The following DMD variants were observed in gnomAD, a reference collection of about 807,000 sequenced individuals.
DMD encodes dystrophin.
DMD carries 63 observed loss-of-function variants against 330.1 expected under a neutral mutation model. The ratio of observed to expected loss-of-function variants is 0.19; its 90% CI spans 0.16 to 0.24. The LOEUF (loss-of-function observed/expected upper bound fraction) is 0.24. Among genes scored for constraint, DMD ranks in the 10% least tolerant of loss-of-function variants. The pLI is 1.00. For synonymous variants in DMD, 1,223 were observed against 959.8 expected (o/e 1.27, Z -5.07); for missense variants, 3,344 against 2,684.1 (o/e 1.25, Z -5.43).
intron 43 of DMD, among the ~76,000 whole-genome samples, chrX:32,272,075 T>C (rs112772942): frequency 8.9e-6 from 1 of 111,760 alleles, no homozygotes; most frequent in African/African-American, 3.3e-5. Flanking sequence ...AAAAGGTATA[T>C]AGTACAGCCT....
intron 44 of DMD, among the ~76,000 whole-genome samples, chrX:32,207,456 T>C (rs2124748): frequency 0.51 from 56,473 of 110,632 alleles, 11,380 homozygotes; most frequent in Admixed American, 0.63. Flanking sequence ...TATTACCTAG[T>C]CTTAGGTACT....
At chrX:32,894,514 T>G (rs113681132) in intron 2 of DMD, among the ~76,000 whole-genome samples, 76 of 112,665 alleles carry the variant, frequency 6.7e-4, no homozygotes, top group African/African-American at 2.2e-3. Context: ...TATAGCATTT[T>G]TACTTAACCC....
chrX:31,422,523 C>T (rs1190361330), intron 60 of DMD, among the ~76,000 whole-genome samples: 1 of 111,711 alleles, frequency 9.0e-6, no homozygotes, highest in Non-Finnish European at 1.9e-5. Flanking sequence ...TTAAAACCTC[C>T]CATGCTGAAA....
At chrX:32,680,891 G>C (rs1226664731) in intron 9 of DMD, among the ~76,000 whole-genome samples, 2 of 111,024 alleles carry the variant, frequency 1.8e-5, no homozygotes, top group Non-Finnish European at 3.8e-5. Context: ...ACGGGAGTGG[G>C]GGTAACAGTC....
Position 32,958,718 on chromosome X carries a change from A to G in DMD, c.93+61421T>C, listed in dbSNP as rs751056045. On this transcript the variant is annotated intron_variant, in intron 2 of 78. Coordinates refer to ENST00000357033, the MANE Select transcript of DMD (RefSeq NM_004006.3). Reference sequence around the variant, plus strand: ...TCCTTTCATATGTGTACAAAATATTAATTCAACCCAGAAGTGTTTTTCCTC... The same window carrying G: ...TCCTTTCATATGTGTACAAAATATTGATTCAACCCAGAAGTGTTTTTCCTC... 7.2e-5 allele frequency among the ~76,000 whole-genome samples: 8 copies of G among 111,405 alleles called. No homozygotes were observed. In the South Asian group the frequency reaches 3.0e-3, roughly 42 times the overall value.
intron 1 of DMD, among the ~76,000 whole-genome samples, chrX:33,034,046 A>G (rs968453197): frequency 9.0e-6 from 1 of 111,341 alleles, no homozygotes; most frequent in Non-Finnish European, 1.9e-5. Context: ...CTATATATAC[A>G]TATGTATTCA....
intron 2 of DMD, among the ~76,000 whole-genome samples, chrX:32,944,885 C>T (rs1028396300): frequency 8.6e-4 from 95 of 111,083 alleles, no homozygotes; most frequent in African/African-American, 2.9e-3. Flanking sequence ...GGATTACAGG[C>T]GTGAGACACC....
chrX:32,603,227 T>A (rs773014345), intron 12 of DMD, among the ~76,000 whole-genome samples: 62 of 111,280 alleles, frequency 5.6e-4, no homozygotes, highest in Non-Finnish European at 9.7e-4. Flanking sequence ...CTTAAATCTA[T>A]ACAAATACAT....
chrX:31,828,530 G>T (rs765573526), intron 49 of DMD, among the ~76,000 whole-genome samples: 1 of 109,384 alleles, frequency 9.1e-6, no homozygotes, highest in East Asian at 2.9e-4. Flanking sequence ...TGGGCGTGGT[G>T]GTGGGCACCT....
At chrX:31,196,983 A>T (rs1002584842) in intron 67 of DMD, among the ~76,000 whole-genome samples, 2 of 110,980 alleles carry the variant, frequency 1.8e-5, no homozygotes, top group South Asian at 7.7e-4. Flanking sequence ...TCCACAGATG[A>T]TGTTTTGTTA....
At chrX:32,832,663 A>T (rs2079248610) in intron 4 of DMD, among the ~76,000 whole-genome samples, 1 of 111,976 alleles carries the variant, frequency 8.9e-6, no homozygotes, top group Admixed American at 9.5e-5. Flanking sequence ...GGAAAGGCAA[A>T]GTAGTTTCAT....
intron 27 of DMD, among the ~76,000 whole-genome samples, chrX:32,446,003 A>G (rs908185941): frequency 2.7e-5 from 3 of 110,827 alleles, no homozygotes; most frequent in Admixed American, 9.6e-5. Context: ...AAAAGTATCC[A>G]AAATTGAGCA....
At chrX:31,458,543 T>C (rs1056764787) in intron 59 of DMD, among the ~76,000 whole-genome samples, 2 of 107,742 alleles carry the variant, frequency 1.9e-5, no homozygotes, top group African/African-American at 6.7e-5. Context: ...AAATCACTCA[T>C]TGGCCAAATC....
At chrX:32,831,162 T>C (rs2079119991) in intron 4 of DMD, among the ~76,000 whole-genome samples, 1 of 110,990 alleles carries the variant, frequency 9.0e-6, no homozygotes, top group Non-Finnish European at 1.9e-5. Flanking sequence ...TGAGGAACAA[T>C]TCTCGTCATT....
At chrX:32,590,347 G>C (rs768649562) in intron 13 of DMD, among the ~76,000 whole-genome samples, 1 of 111,928 alleles carries the variant, frequency 8.9e-6, no homozygotes, top group Non-Finnish European at 1.9e-5. Context: ...CTTGAAAATA[G>C]AATACTTGTT....
intron 55 of DMD, among the ~76,000 whole-genome samples, chrX:31,578,658 G>A (rs771262866): frequency 3.6e-5 from 4 of 111,663 alleles, no homozygotes; most frequent in South Asian, 3.8e-4. Context: ...TTTTTGATGC[G>A]CTACCAGAGC....
chrX:32,967,034 T>C (rs760049053), intron 2 of DMD, among the ~76,000 whole-genome samples: 1 of 111,953 alleles, frequency 8.9e-6, no homozygotes, highest in African/African-American at 3.2e-5. Flanking sequence ...AATTCTTCAG[T>C]GCTTGGCTGG....
At chrX:33,109,667 T>C (rs576394040) in intron 1 of DMD, among the ~76,000 whole-genome samples, 2 of 112,062 alleles carry the variant, frequency 1.8e-5, no homozygotes, top group African/African-American at 6.5e-5. Context: ...GACAAGTGAC[T>C]GATCGTTGTC....
At chrX:33,007,607 T>C (rs1027319944) in intron 2 of DMD, among the ~76,000 whole-genome samples, 1 of 111,526 alleles carries the variant, frequency 9.0e-6, no homozygotes, top group African/African-American at 3.2e-5. Context: ...GAACGTCAGA[T>C]AGTTTGCTAA....
Sources: gnomAD v4.1 joint callset for allele counts (sites outside exome capture counted in the v4.1 genomes callset) on GRCh38, gnomAD v4.1.1 for gene constraint, MANE v1.5 for transcripts, NCBI Gene and HGNC (gene_info 2026-07-23, HGNC 2026-07-21) for gene names.